Variants in DNM3 observed in about 807,000 individuals in gnomAD.
The protein encoded by DNM3 is dynamin 3.
A neutral mutation model predicts 101.6 loss-of-function variants in DNM3; 47 were observed. That is an observed-to-expected ratio of 0.46 (90% CI 0.37 to 0.59). The LOEUF is 0.59. Among genes scored for constraint, DNM3 ranks in the 20% least tolerant of loss-of-function variants. The pLI is 0.00. For synonymous variants in DNM3, 385 were observed against 387.9 expected, an observed-to-expected ratio of 0.99 and a Z score of 0.09; for missense variants, 849 against 1,085.7, an observed-to-expected ratio of 0.78 and a Z score of 3.06.
At chr1:172,386,952 C>T in intron 18 of DNM3, 181 bp from the exon 19 acceptor site, 2 of 562,976 alleles carry the variant, frequency 3.6e-6, no homozygotes, top group East Asian at 3.0e-5. Context: ...GTTACTGTCA[C>T]CAGTACTGGG....
intron 2 of DNM3, among the ~76,000 whole-genome samples, chr1:171,925,318 C>G (rs999124739): frequency 6.6e-6 from 1 of 151,986 alleles, no homozygotes; most frequent in African/African-American, 2.4e-5. Context: ...AGCTCCGCCT[C>G]TTGGGTTCAT....
intron 20 of DNM3, among the ~76,000 whole-genome samples, chr1:172,401,038 T>G (rs1424513868): frequency 2.0e-5 from 3 of 152,206 alleles, no homozygotes; most frequent in African/African-American, 4.8e-5. Context: ...AACAAGAAAC[T>G]TCTTCAGGGC....
intron 4 of DNM3, among the ~76,000 whole-genome samples, chr1:171,995,105 T>G (rs1291374862): frequency 6.9e-6 from 1 of 144,382 alleles, no homozygotes; most frequent in Non-Finnish European, 1.5e-5. Context: ...GGTTTTTTTT[T>G]TTTTTTTTTT....
intron 14 of DNM3, among the ~76,000 whole-genome samples, chr1:172,207,744 TCTC>T (rs1335143390): frequency 2.6e-5 from 4 of 152,130 alleles, no homozygotes. Flanking sequence ...TAAATGTCCT[TCTC>T]CTCCTGTGTT....
chr1:171,873,245 T>C (rs1376292482), intron 1 of DNM3, among the ~76,000 whole-genome samples: 1 of 152,140 alleles, frequency 6.6e-6, no homozygotes, highest in East Asian at 1.9e-4. Flanking sequence ...GTTCCTTTAG[T>C]GGGTTTGAAG....
intron 16 of DNM3, among the ~76,000 whole-genome samples, chr1:172,314,840 C>A (rs1028915323): frequency 6.6e-6 from 1 of 152,198 alleles, no homozygotes; most frequent in Non-Finnish European, 1.5e-5. Context: ...ACAGCAGTAA[C>A]CTCTGCAGAC....
chr1:172,084,521 A>T (rs779632263), intron 12 of DNM3, among the ~76,000 whole-genome samples: 10 of 152,166 alleles, frequency 6.6e-5, no homozygotes, highest in Non-Finnish European at 8.8e-5. Flanking sequence ...CTTGGAATTG[A>T]CATGGGGTGA....
chr1:171,881,626 G>A (rs1313537771), intron 1 of DNM3, among the ~76,000 whole-genome samples: 2 of 152,172 alleles, frequency 1.3e-5, no homozygotes, highest in Admixed American at 1.3e-4. Flanking sequence ...TGAAGGTCAT[G>A]GGTAAAATAT....
At chr1:172,102,498 A>G (rs1254128095) in intron 13 of DNM3, among the ~76,000 whole-genome samples, 1 of 152,138 alleles carries the variant, frequency 6.6e-6, no homozygotes, top group Admixed American at 6.5e-5. Flanking sequence ...AAATAAGCAG[A>G]TGTTCTTTCC....
chr1:172,137,374 T>C (rs959001697), intron 14 of DNM3: 3 of 152,198 alleles, frequency 2.0e-5, no homozygotes, highest in Non-Finnish European at 4.4e-5. Flanking sequence ...CAGAGATGAA[T>C]TTTAGCAGAT....
At chr1:171,878,642 A>C (rs1354247799) in intron 1 of DNM3, among the ~76,000 whole-genome samples, 2 of 152,064 alleles carry the variant, frequency 1.3e-5, no homozygotes, top group African/African-American at 4.8e-5. Context: ...TTTGCTACCC[A>C]GTGGAGAGCC....
intron 17 of DNM3, among the ~76,000 whole-genome samples, chr1:172,346,138 A>AAG (rs2148970921): frequency 6.6e-6 from 1 of 151,876 alleles, no homozygotes; most frequent in African/African-American, 2.4e-5. Context: ...AAAAAAAAAA[A>AAG]AAAAGAAAGA....
chr1:172,260,298 A>G (rs2062589379), intron 15 of DNM3, among the ~76,000 whole-genome samples: 1 of 152,058 alleles, frequency 6.6e-6, no homozygotes, highest in African/African-American at 2.4e-5. Flanking sequence ...ATAATATGCC[A>G]TGAAGAAGAC....
Position 172,033,272 on chromosome 1 carries a change from A to G in DNM3, c.849+7A>G. ...GCAGAAGGTCCTTAATCAGGTAAAA[A>G]TGTTCTTTCAAGCAACAAGAACAAT... On this transcript the variant is annotated splice_region_variant and intron_variant, in intron 6 of 20. Transcript: ENST00000627582. 3.2e-6 allele frequency: 5 copies of G among 1,584,174 alleles called. No individual in the cohort carries two copies. Among genetic ancestry groups the G allele is most frequent in the Non-Finnish European group, 4.3e-6 (5 of 1,164,698 alleles).
intron 14 of DNM3, among the ~76,000 whole-genome samples, chr1:172,241,625 G>A (rs2061752368): frequency 6.6e-6 from 1 of 152,056 alleles, no homozygotes; most frequent in Non-Finnish European, 1.5e-5. Flanking sequence ...TTCCAGGAAT[G>A]GCTCACAAAA....
chr1:171,989,217 A>G, intron 4 of DNM3, 69 bp downstream of exon 4: 3 of 1,371,166 alleles, frequency 2.2e-6, no homozygotes, highest in South Asian at 3.2e-5. Context: ...TAAAGGTAAC[A>G]TAAATTCTTA....
chr1:172,177,378 C>T (rs558444998), intron 14 of DNM3, among the ~76,000 whole-genome samples: 9 of 151,606 alleles, frequency 5.9e-5, no homozygotes, highest in South Asian at 4.2e-4. Flanking sequence ...TTTATAAATT[C>T]GACTTTATCA....
At chr1:171,903,115 A>G (rs1260020499) in intron 1 of DNM3, among the ~76,000 whole-genome samples, 2 of 152,048 alleles carry the variant, frequency 1.3e-5, no homozygotes, top group Non-Finnish European at 1.5e-5. Context: ...AGATCGTGCC[A>G]CTATACTTAA....
At chr1:172,402,201 T>G (rs553226607) in intron 20 of DNM3, among the ~76,000 whole-genome samples, 1 of 148,248 alleles carries the variant, frequency 6.7e-6, no homozygotes, top group Non-Finnish European at 1.5e-5. Context: ...CATTAAATGA[T>G]TCAAGAGGGT....
Sources: gnomAD v4.1 joint callset for allele counts (sites outside exome capture counted in the v4.1 genomes callset) on GRCh38, gnomAD v4.1.1 for gene constraint, MANE v1.5 for transcripts, NCBI Gene and HGNC (gene_info 2026-07-23, HGNC 2026-07-21) for gene names.